The following NCKAP5 variants were observed in gnomAD, a reference collection of about 807,000 sequenced individuals.
NCKAP5 encodes the protein NCK associated protein 5, also known as nck-associated protein 5.
NCKAP5 carries 92 observed loss-of-function variants against 167.0 expected under a neutral mutation model. The observed-to-expected ratio is 0.55, with a 90% CI of 0.47 to 0.66. The LOEUF is 0.66. NCKAP5 is among the 30% of genes least tolerant of loss of function. NCKAP5 has a pLI of 0.00. For synonymous variants in NCKAP5, 891 were observed against 877.4 expected, an observed-to-expected ratio of 1.02 and a Z score of -0.27; for missense variants, 2,378 against 2,315.0, an observed-to-expected ratio of 1.03 and a Z score of -0.56.
intron 5 of NCKAP5, among the ~76,000 whole-genome samples, chr2:133,148,483 C>G (rs572202761): frequency 6.6e-6 from 1 of 152,234 alleles, no homozygotes; most frequent in African/African-American, 2.4e-5. Context: ...GGCATTTGGG[C>G]ATCAGAGTGA....
At chr2:133,277,948 T>G (rs572931260) in intron 4 of NCKAP5, among the ~76,000 whole-genome samples, 1 of 152,184 alleles carries the variant, frequency 6.6e-6, no homozygotes, top group South Asian at 2.1e-4. Context: ...AAACATAACA[T>G]TAAATGTATA....
chr2:133,239,432 C>T (rs1189327965), intron 4 of NCKAP5, among the ~76,000 whole-genome samples: 1 of 152,124 alleles, frequency 6.6e-6, no homozygotes, highest in Non-Finnish European at 1.5e-5. Flanking sequence ...CCGTGAAATA[C>T]CACAACATGG....
chr2:132,895,026 CT>C (rs1401069238), intron 8 of NCKAP5, among the ~76,000 whole-genome samples: 4 of 152,234 alleles, frequency 2.6e-5, no homozygotes, highest in Admixed American at 2.6e-4. Context: ...AGTGTCCTTA[CT>C]TTGCCTAAAA....
chr2:133,167,470 A>G, intron 5 of NCKAP5, among the ~76,000 whole-genome samples: 1 of 152,170 alleles, frequency 6.6e-6, no homozygotes, highest in Middle Eastern at 3.2e-3. Flanking sequence ...TAATATTAAC[A>G]TATTTGATCC....
chr2:132,739,013 A>G (rs1200118562), intron 16 of NCKAP5, among the ~76,000 whole-genome samples: 1 of 152,132 alleles, frequency 6.6e-6, no homozygotes, highest in Non-Finnish European at 1.5e-5. Context: ...TATATAAACT[A>G]TGCTTCTTCC....
At chr2:133,127,464 G>A (rs2082440150) in intron 6 of NCKAP5, among the ~76,000 whole-genome samples, 1 of 152,178 alleles carries the variant, frequency 6.6e-6, no homozygotes, top group South Asian at 2.1e-4. Context: ...CACAAAAGAA[G>A]TATGTAAAAA....
At chr2:133,558,287 G>C (rs1687889877) in intron 2 of NCKAP5, 1 of 152,204 alleles carries the variant, frequency 6.6e-6, no homozygotes, top group Non-Finnish European at 1.5e-5. Flanking sequence ...ACTGACCATG[G>C]TCCCTTCTTT....
chr2:133,056,848 C>T (rs2079820942), intron 6 of NCKAP5, among the ~76,000 whole-genome samples: 1 of 152,144 alleles, frequency 6.6e-6, no homozygotes, highest in African/African-American at 2.4e-5. Context: ...AAGCACGCAA[C>T]CATGCCCTGT....
At chr2:132,880,185 A>G (rs1343111683) in intron 8 of NCKAP5, among the ~76,000 whole-genome samples, 1 of 152,230 alleles carries the variant, frequency 6.6e-6, no homozygotes, top group African/African-American at 2.4e-5. Flanking sequence ...ACATTGGTCA[A>G]TGGTTACAGA....
chr2:133,009,802 G>C (rs1366081136), intron 6 of NCKAP5, among the ~76,000 whole-genome samples: 1 of 151,948 alleles, frequency 6.6e-6, no homozygotes, highest in African/African-American at 2.4e-5. Context: ...GGGCGCAGTG[G>C]CTCAAGCCTG....
chr2:133,530,302 T>C (rs1243818270), intron 2 of NCKAP5, among the ~76,000 whole-genome samples: 2 of 152,066 alleles, frequency 1.3e-5, no homozygotes, highest in Non-Finnish European at 2.9e-5. Flanking sequence ...CTTGTGCCAA[T>C]ATCACACTGC....
chr2:132,780,863 C>T (rs1175035618), intron 15 of NCKAP5, among the ~76,000 whole-genome samples, 189 bp downstream of exon 15: 1 of 152,196 alleles, frequency 6.6e-6, no homozygotes, highest in Admixed American at 6.5e-5. Flanking sequence ...ACTCGAGGTC[C>T]AGCTGCCAGC....
At chr2:132,699,306 A>G (rs747077024) in intron 19 of NCKAP5, among the ~76,000 whole-genome samples, 1 of 152,178 alleles carries the variant, frequency 6.6e-6, no homozygotes, top group Non-Finnish European at 1.5e-5. Context: ...TTTAATGTGG[A>G]GACTATAGCT....
chr2:133,191,758 G>A (rs1200043708), intron 5 of NCKAP5, among the ~76,000 whole-genome samples: 1 of 152,046 alleles, frequency 6.6e-6, no homozygotes, highest in Non-Finnish European at 1.5e-5. Flanking sequence ...TCACACACCG[G>A]GGCCTGTCAT....
At chr2:132,826,212 G>T (rs962239549) in intron 11 of NCKAP5, among the ~76,000 whole-genome samples, 2 of 152,206 alleles carry the variant, frequency 1.3e-5, no homozygotes, top group African/African-American at 4.8e-5. Flanking sequence ...ACATATTTAG[G>T]TACATTAATA....
At chr2:132,679,768 T>C (rs79547391) in intron 19 of NCKAP5, among the ~76,000 whole-genome samples, 8,061 of 152,178 alleles carry the variant, frequency 0.053, 680 homozygotes, top group African/African-American at 0.18. Context: ...GATGAACAAA[T>C]CTTGAGCACT....
chr2:133,129,092 C>A (rs1321822479), intron 6 of NCKAP5, among the ~76,000 whole-genome samples: 1 of 143,930 alleles, frequency 6.9e-6, no homozygotes, highest in Admixed American at 6.9e-5. Context: ...TTTGGCTGGC[C>A]TTTTTTTTTT....
intron 8 of NCKAP5, among the ~76,000 whole-genome samples, chr2:132,901,599 A>G (rs1049571463): frequency 1.3e-5 from 2 of 151,370 alleles, no homozygotes; most frequent in Non-Finnish European, 2.9e-5. Context: ...AATGCTGTAA[A>G]TAAAATAAGA....
At chr2:133,233,946 C>G (rs1034406940) in intron 4 of NCKAP5, among the ~76,000 whole-genome samples, 2 of 152,124 alleles carry the variant, frequency 1.3e-5, no homozygotes, top group African/African-American at 4.8e-5. Flanking sequence ...TGTGGAAACA[C>G]GATCAAACCA....
Sources: gnomAD v4.1 joint callset for allele counts (sites outside exome capture counted in the v4.1 genomes callset) on GRCh38, gnomAD v4.1.1 for gene constraint, MANE v1.5 for transcripts, NCBI Gene and HGNC (gene_info 2026-07-23, HGNC 2026-07-21) for gene names.